The following TNRC6A variants were observed in gnomAD, a reference collection of about 807,000 sequenced individuals.
TNRC6A encodes trinucleotide repeat containing adaptor 6A.
Under a neutral mutation model 221.2 loss-of-function variants are expected in TNRC6A, and 44 were observed. The ratio of observed to expected loss-of-function variants is 0.20; its 90% CI spans 0.16 to 0.26. The LOEUF (loss-of-function observed/expected upper bound fraction) is 0.26, where lower values mean the gene tolerates loss of function less well. Ranked by LOEUF, TNRC6A falls within the 10% of genes least tolerant of loss-of-function variation. The pLI, the probability that TNRC6A is intolerant of heterozygous loss-of-function variation, is 1.00. For missense variants in TNRC6A, 2,199 were observed against 2,404.4 expected (o/e 0.91, Z 1.79); for synonymous variants, 847 against 838.5 (o/e 1.01, Z -0.18).
At chr16:24,722,756 C>A (rs935551733) in intron 2 of TNRC6A, among the ~76,000 whole-genome samples, 2 of 151,930 alleles carry the variant, frequency 1.3e-5, no homozygotes, top group Non-Finnish European at 2.9e-5. Context: ...TTATTGTATA[C>A]GAATTATACC....
rs2058045214 is a variant in TNRC6A, at chr16:24,789,366, GCCCCT to G, written c.725_729del (p.Ala242GlyfsTer3). On this transcript the variant is annotated frameshift_variant, in exon 6 of 25. Transcript: ENST00000395799. LOFTEE classifies it high-confidence loss of function. ...GTCGGAAAAAGAAGCATGGCCCTCA[GCCCCT>G]GGCAGTGATCCGGAGTTGGCTTCAG... The G allele has an allele frequency of 6.2e-7, 1 of 1,614,100 alleles. No homozygotes were observed. Among genetic ancestry groups the G allele is most frequent in the Non-Finnish European group, 8.5e-7 (1 of 1,180,048 alleles).
At chr16:24,634,073 G>A (rs1349836507) in intron 1 of TNRC6A, among the ~76,000 whole-genome samples, 2 of 151,950 alleles carry the variant, frequency 1.3e-5, no homozygotes, top group Non-Finnish European at 2.9e-5. Flanking sequence ...TGAGCCACTG[G>A]GCCAGACCAA....
Position 24,789,924 on chromosome 16 carries a change from G to A in TNRC6A, c.1282G>A (p.Glu428Lys). 1.9e-6 allele frequency: 3 copies of A among 1,613,796 alleles called. No homozygotes were observed. The highest frequency in any genetic ancestry group is 2.5e-6 in the Non-Finnish European group (3 of 1,179,922). ...GTWGSLQETC[E>K]SEVSGTQKVS... ...CTGGGGAAGCCTTCAGGAAACTTGT[G>A]AATCTGAAGTAAGTGGTACACAGAA... Residue 428 changes from glutamate to lysine, a missense_variant, in exon 6 of 25, where the codon GAA becomes AAA. Transcript: ENST00000395799.
intron 8 of TNRC6A, 131 bp downstream of exon 8, chr16:24,794,850 C>A: frequency 1.4e-6 from 1 of 699,618 alleles, no homozygotes; most frequent in Non-Finnish European, 2.2e-6. Context: ...TAGGTATAGC[C>A]ACTTGTATGG....
Position 24,785,784 on chromosome 16 carries a change from T to C in TNRC6A, c.590-3448T>C, listed in dbSNP as rs543093142. ...CAATCTTGTTTTCTTACTCCTGCCTTGTGAAAGTGGCCACACACACTTAAC... is the reference window on the plus strand; with the variant it reads ...CAATCTTGTTTTCTTACTCCTGCCTCGTGAAAGTGGCCACACACACTTAAC... On this transcript the variant is annotated intron_variant, in intron 5 of 24. Transcript: ENST00000395799. Among the ~76,000 whole-genome samples the C allele has an allele frequency of 3.9e-5, 6 of 152,322 alleles. No homozygotes were observed. The South Asian group carries it at 1.0e-3, about 26-fold the overall frequency.
chr16:24,651,669 G>A (rs916017200), intron 2 of TNRC6A, among the ~76,000 whole-genome samples: 3 of 150,390 alleles, frequency 2.0e-5, no homozygotes, highest in Admixed American at 6.6e-5. Context: ...GACCAGCCTG[G>A]GCAACATAGT....
chr16:24,733,177 C>T (rs1386842816), intron 2 of TNRC6A, among the ~76,000 whole-genome samples: 1 of 152,040 alleles, frequency 6.6e-6, no homozygotes, highest in Non-Finnish European at 1.5e-5. Context: ...CACTGCACTC[C>T]AGCCTACTTG....
chr16:24,728,087 A>T (rs1433844777), upstream of TNRC6A, among the ~76,000 whole-genome samples: 1 of 152,234 alleles, frequency 6.6e-6, no homozygotes, highest in African/African-American at 2.4e-5. Context: ...CCTATCGGAG[A>T]GGACAGGAAC....
At position 24,809,203 on chromosome 16, in the gene TNRC6A, T is replaced by C. The variant is rs1435462578; in HGVS notation, c.4541-147T>C. ...ATCATCAAAATTTTATGGAGAAATATTTTCTACGTATAACTAAATTATAGT... is the reference window on the plus strand; with the variant it reads ...ATCATCAAAATTTTATGGAGAAATACTTTCTACGTATAACTAAATTATAGT... On this transcript the variant is annotated intron_variant, in intron 17 of 24. Coordinates refer to ENST00000395799, the MANE Select transcript of TNRC6A (RefSeq NM_014494.4). 1.1e-5 allele frequency: 8 copies of C among 733,854 alleles called. No homozygotes were observed. In the East Asian group the frequency reaches 2.5e-4, roughly 23 times the overall value. 45.5% of individuals were successfully genotyped at this position (733,854 alleles called of 1,614,324 possible).
rs192579730 is a variant in TNRC6A, at chr16:24,793,735, A to T, written c.3352+86A>T. On this transcript the variant is annotated intron_variant, in intron 7 of 24. Coordinates refer to ENST00000395799, the MANE Select transcript of TNRC6A (RefSeq NM_014494.4). The stretch of plus-strand genomic sequence containing the variant: ...AATTAAATAATTAGATAAGGTTTCT[A>T]TGTTATTTATAATATATTCATATAA... The T allele has an allele frequency of 9.3e-5, 103 of 1,110,204 alleles. No individual in the cohort carries two copies. In the Admixed American group the frequency reaches 2.4e-3, roughly 26 times the overall value. The allele number at this position is 1,110,204 out of a possible 1,614,324, so 68.8% of individuals were successfully genotyped here. A position where few individuals can be genotyped will look rare whatever the true frequency, so the allele number is the denominator to read the frequency against.
chr16:24,769,155 A>G (rs2057537261), intron 4 of TNRC6A, among the ~76,000 whole-genome samples: 1 of 151,918 alleles, frequency 6.6e-6, no homozygotes, highest in African/African-American at 2.4e-5. Flanking sequence ...ATTTTTTTTC[A>G]ATTAAGAGGC....
At chr16:24,685,588 C>G (rs1186825238) in intron 2 of TNRC6A, among the ~76,000 whole-genome samples, 1 of 152,174 alleles carries the variant, frequency 6.6e-6, no homozygotes, top group Non-Finnish European at 1.5e-5. Context: ...ATCTGCCTGC[C>G]TTGGCCTCCC....
At chr16:24,721,287 T>A (rs996810169) in intron 2 of TNRC6A, among the ~76,000 whole-genome samples, 1 of 152,192 alleles carries the variant, frequency 6.6e-6, no homozygotes, top group East Asian at 1.9e-4. Context: ...ACATGCCCAC[T>A]GTCCACAAAA....
intron 5 of TNRC6A, among the ~76,000 whole-genome samples, chr16:24,786,754 T>C (rs905705062): frequency 1.3e-5 from 2 of 151,824 alleles, no homozygotes; most frequent in Non-Finnish European, 2.9e-5. Flanking sequence ...CCATCTCGGC[T>C]CACGGCAACA....
intron 18 of TNRC6A, among the ~76,000 whole-genome samples, chr16:24,813,699 C>T (rs1031262112): frequency 6.6e-6 from 1 of 152,190 alleles, no homozygotes; most frequent in African/African-American, 2.4e-5. Context: ...CTCCACTGTA[C>T]ATTTAGCTCT....
intron 7 of TNRC6A, among the ~76,000 whole-genome samples, 175 bp downstream of exon 7, chr16:24,793,824 T>C (rs983059688): frequency 6.6e-6 from 1 of 152,264 alleles, no homozygotes; most frequent in African/African-American, 2.4e-5. Context: ...TTATTCTCTT[T>C]CTGAATTTTC....
At chr16:24,658,394 C>T (rs780091165) in intron 2 of TNRC6A, among the ~76,000 whole-genome samples, 7 of 152,188 alleles carry the variant, frequency 4.6e-5, no homozygotes, top group Non-Finnish European at 7.3e-5. Context: ...GTCTCACTCA[C>T]TCTGTCCCCT....
intron 2 of TNRC6A, among the ~76,000 whole-genome samples, chr16:24,651,265 G>A (rs929037777): frequency 2.0e-5 from 3 of 151,776 alleles, no homozygotes; most frequent in Non-Finnish European, 4.4e-5. Context: ...TTCGCCAGGC[G>A]CCGTGCCTCA....
Position 24,790,632 on chromosome 16 carries a change from G to A in TNRC6A, c.1990G>A (p.Ala664Thr). The A allele has an allele frequency of 1.9e-6, 3 of 1,614,210 alleles. No homozygotes were observed. Among genetic ancestry groups the A allele is most frequent in the Non-Finnish European group, 2.5e-6 (3 of 1,180,030 alleles). ...GACAAATGAGCAAAGCAGTGTGTGG[G>A]CCAAAACAGGAGGTACAGTGGAGAG... The part of the protein sequence containing the change: ...SQTNEQSSVW[A>T]KTGGTVESDG... The change falls in exon 6 of 25, where the codon GCC becomes ACC. Residue 664 changes from alanine to threonine, a missense_variant. Physicochemically the swap from Ala to Thr is moderately conservative, Grantham distance 58. This residue lies in a region of TNRC6A where 1,405 missense variants were observed against 1,400.2 expected (regional missense o/e 1.00). Transcript: ENST00000395799.
Sources: allele counts gnomAD v4.1 joint callset (sites outside exome capture counted in the v4.1 genomes callset), GRCh38; gene constraint gnomAD v4.1.1; regional missense constraint gnomAD v4.1.1; transcripts MANE v1.5; gene names NCBI Gene and HGNC (gene_info 2026-07-23, HGNC 2026-07-21).